Variants in PCNT observed in about 807,000 individuals in gnomAD.
PCNT encodes pericentrin, also known as kendrin.
A neutral mutation model predicts 380.4 loss-of-function variants in PCNT; 319 were observed. That is an observed-to-expected ratio of 0.84 (90% CI 0.77 to 0.92). The LOEUF (loss-of-function observed/expected upper bound fraction) is 0.92. Among genes scored for constraint, PCNT ranks in the 40% least tolerant of loss-of-function variants. The pLI is 0.00. For missense variants in PCNT, 4,400 were observed against 4,255.3 expected (o/e 1.03, Z -0.95); for synonymous variants, 1,845 against 1,735.2 (o/e 1.06, Z -1.57).
chr21:46,437,755 T>C (rs184180289), intron 40 of PCNT, among the ~76,000 whole-genome samples: 16 of 152,294 alleles, frequency 1.1e-4, no homozygotes, highest in African/African-American at 3.1e-4. Context: ...TCGTTGTGGG[T>C]GGGGTGCACC....
At position 46,431,707 on chromosome 21, in the gene PCNT, C is replaced by A; in HGVS notation, c.8243C>A (p.Ala2748Glu). The change falls in exon 38 of 47, where the codon GCG becomes GAG. Residue 2748 changes from alanine to glutamate, a missense_variant. Ala to Glu is a moderately radical substitution (Grantham distance 107). Coordinates refer to ENST00000359568, the MANE Select transcript of PCNT (RefSeq NM_006031.6). ...CTCTCTGAGCTCCAGAAGGACCTTG[C>A]GGCTGAGAAGAGCCGCACCCTGGAG... is the stretch of plus-strand genomic sequence containing the variant. ...SQLSELQKDL[A>E]AEKSRTLELS... The A allele has an allele frequency of 6.2e-7, 1 of 1,612,058 alleles. No individual in the cohort carries two copies. The highest frequency in any genetic ancestry group is 1.1e-5 in the South Asian group (1 of 91,056).
rs552938132 is a variant in PCNT, at chr21:46,324,423, C to T, written c.54+141C>T. ...AGGTCTCGCTTTTTCCCGCCGGCTC[C>T]GCTGGAAGCCGCCTCCTGGCCGCCG... On this transcript the variant is annotated intron_variant, in intron 1 of 46. Coordinates refer to ENST00000359568, the MANE Select transcript of PCNT (RefSeq NM_006031.6). 1.5e-3 allele frequency: 1,120 copies of T among 758,102 alleles called. 13 individuals are homozygous for T. The African/African-American group carries it at 0.017, about 12-fold the overall frequency. 47.0% of individuals were successfully genotyped at this position (758,102 alleles called of 1,614,324 possible). A position where few individuals can be genotyped will look rare whatever the true frequency, so the allele number is the denominator to read the frequency against.
In PCNT at chr21:46,369,811, C is replaced by T. The variant is rs540744623; in HGVS notation, c.3165+2672C>T. 2.6e-5 allele frequency among the ~76,000 whole-genome samples: 4 copies of T among 152,306 alleles called. No individual in the cohort carries two copies. The South Asian group carries it at 8.3e-4, about 32-fold the overall frequency. ...TGCAATCAGAGACGCCTGCTGGAGG[C>T]AGAGAGGACCAAAGCCCTGGACAGG... is the stretch of plus-strand genomic sequence containing the variant. On this transcript the variant is annotated intron_variant, in intron 15 of 46. Transcript: ENST00000359568.
intron 31 of PCNT, among the ~76,000 whole-genome samples, chr21:46,418,531 C>T (rs1262987916): frequency 6.6e-6 from 1 of 152,242 alleles, no homozygotes; most frequent in East Asian, 1.9e-4. Flanking sequence ...ACGCTCCACC[C>T]TGGAATGTTC....
chr21:46,367,162 C>T (rs1190101640), intron 15 of PCNT, 23 bp downstream of exon 15: 10 of 1,597,728 alleles, frequency 6.3e-6, no homozygotes, highest in Admixed American at 1.7e-5. Context: ...GGCCCTGCCC[C>T]AGCCCAGGGC....
At chr21:46,403,811 G>A (rs1375908509) in intron 27 of PCNT, among the ~76,000 whole-genome samples, 14 of 145,938 alleles carry the variant, frequency 9.6e-5, no homozygotes, top group Admixed American at 4.8e-4. Context: ...GTGCCCACGC[G>A]GCACGTGCTC....
At chr21:46,395,072 C>T (rs532357362) in intron 21 of PCNT, among the ~76,000 whole-genome samples, 2 of 152,332 alleles carry the variant, frequency 1.3e-5, no homozygotes, top group African/African-American at 2.4e-5. Context: ...CCTCAGGCCT[C>T]GCCGCACGTC....
At chr21:46,342,350 G>GC (rs796773233) in intron 3 of PCNT, among the ~76,000 whole-genome samples, 8 of 152,004 alleles carry the variant, frequency 5.3e-5, no homozygotes, top group African/African-American at 1.9e-4. Flanking sequence ...CAGGTGATCT[G>GC]CCCCCCTCGC....
Position 46,346,921 on chromosome 21 carries a change from A to G in PCNT, c.899A>G (p.Gln300Arg). ...CTGGCCCTGCTACAGAGCAGGCAGCAGCACGAGCTGGAGCTCCTCAGGGAG... is the reference window on the plus strand; with the variant it reads ...CTGGCCCTGCTACAGAGCAGGCAGCGGCACGAGCTGGAGCTCCTCAGGGAG... ...QELALLQSRQ[Q>R]HELELLREQH... is the part of the protein sequence containing the mutation. The change falls in exon 5 of 47, where the codon CAG (glutamine) becomes CGG (arginine). Residue 300 changes from glutamine to arginine, a missense_variant. Gln to Arg is a conservative substitution (Grantham distance 43). Coordinates refer to ENST00000359568, the MANE Select transcript of PCNT (RefSeq NM_006031.6). The G allele has an allele frequency of 6.2e-7, 1 of 1,600,944 alleles. No homozygotes were observed. Among genetic ancestry groups the G allele is most frequent in the Non-Finnish European group, 8.5e-7 (1 of 1,175,102 alleles).
chr21:46,420,128 C>T (rs1022301739), intron 31 of PCNT, among the ~76,000 whole-genome samples: 10 of 152,040 alleles, frequency 6.6e-5, no homozygotes, highest in Non-Finnish European at 1.3e-4. Flanking sequence ...TCAGGGTGTC[C>T]GCCGCCTCTG....
chr21:46,442,387 T>TG (rs917094379), intron 43 of PCNT, 110 bp from the exon 44 acceptor site: 1 of 733,808 alleles, frequency 1.4e-6, no homozygotes, highest in African/African-American at 1.7e-5. Context: ...CTGGTCCCCA[T>TG]GGGCAGCGAG....
At chr21:46,349,965 T>A in intron 8 of PCNT, 145 bp downstream of exon 8, 1 of 845,208 alleles carries the variant, frequency 1.2e-6, no homozygotes, top group Non-Finnish European at 1.9e-6. Context: ...GGTTCACGCC[T>A]GTAACTCTAT....
rs769557050 is a variant in PCNT at position 46,436,469 on chromosome 21, G to GCCCCCCCCCCCCCCCCCCCCCCCCC, written c.8996+321_8996+322insCCCCCCCCCCCCCCCCCCCCCCCCC. Among the ~76,000 whole-genome samples, 4 of 40,034 alleles carry GCCCCCCCCCCCCCCCCCCCCCCCCC rather than the reference G, an allele frequency of 1.0e-4. 2 individuals are homozygous for GCCCCCCCCCCCCCCCCCCCCCCCCC. The highest frequency in any genetic ancestry group is 1.2e-4 in the Non-Finnish European group (2 of 17,222). 26.3% of individuals were successfully genotyped at this position (40,034 alleles called of 152,430 possible). On this transcript the variant is annotated intron_variant, in intron 39 of 46. Transcript: ENST00000359568. ...CAGGGTCGGGTTTGGAGCCTCCTGT[G>GCCCCCCCCCCCCCCCCCCCCCCCCC]GCCCCCCCCCCCCCCCCCCGCTGGC...
At chr21:46,370,862 C>T (rs890205702) in intron 15 of PCNT, among the ~76,000 whole-genome samples, 1 of 152,150 alleles carries the variant, frequency 6.6e-6, no homozygotes, top group Admixed American at 6.5e-5. Context: ...GGTGGAACCC[C>T]GTTTCTACTA....
chr21:46,395,513 A>G lies in PCNT; in HGVS notation c.4217-1752A>G, dbSNP rs1463859013. ...TAATAAAATAGAGACTTCAGGACTC[A>G]GCAGCAGAGACTCCATCTCAGAAAT... On this transcript the variant is annotated intron_variant, in intron 21 of 46. Coordinates refer to ENST00000359568, the MANE Select transcript of PCNT (RefSeq NM_006031.6). 3.9e-5 allele frequency among the ~76,000 whole-genome samples: 5 copies of G among 128,968 alleles called. 1 individual carries two copies. Among genetic ancestry groups the G allele is most frequent in the Admixed American group, 7.4e-5 (1 of 13,436 alleles). 84.6% of individuals were successfully genotyped at this position (128,968 alleles called of 152,430 possible).
intron 21 of PCNT, among the ~76,000 whole-genome samples, chr21:46,393,480 G>T (rs971567442): frequency 1.3e-5 from 2 of 152,072 alleles, no homozygotes; most frequent in African/African-American, 4.8e-5. Flanking sequence ...GCCCCTCCCT[G>T]TAGACTCTGC....
At chr21:46,327,364 T>G (rs1196477072) in intron 2 of PCNT, among the ~76,000 whole-genome samples, 1 of 151,806 alleles carries the variant, frequency 6.6e-6, no homozygotes, top group Non-Finnish European at 1.5e-5. Flanking sequence ...CGGCCTATGG[T>G]TTTATTCTTA....
At chr21:46,325,757 C>G (rs2083373218) in intron 1 of PCNT, among the ~76,000 whole-genome samples, 1 of 152,188 alleles carries the variant, frequency 6.6e-6, no homozygotes, top group Non-Finnish European at 1.5e-5. Context: ...CGCACATAGT[C>G]TCAAACTCTC....
chr21:46,418,363 A>C (rs2087113980), intron 31 of PCNT, 57 bp downstream of exon 31: 2 of 1,049,494 alleles, frequency 1.9e-6, no homozygotes, highest in Non-Finnish European at 2.9e-6. Context: ...CTAGCACAGA[A>C]TAGTCAAAAG....
Sources: gnomAD v4.1 joint callset for allele counts (sites outside exome capture counted in the v4.1 genomes callset) on GRCh38, gnomAD v4.1.1 for gene constraint, MANE v1.5 for transcripts, NCBI Gene and HGNC (gene_info 2026-07-23, HGNC 2026-07-21) for gene names.